The following CPA6 variants were observed in gnomAD, a reference collection of about 807,000 sequenced individuals.
The protein encoded by CPA6 is carboxypeptidase B.
In CPA6, 58 loss-of-function variants were observed where a neutral mutation model predicts 63.3. That is an observed-to-expected ratio of 0.92 (90% CI 0.74 to 1.14). CPA6 has a LOEUF of 1.14. Among genes scored for constraint, CPA6 ranks in the 50% most tolerant of loss-of-function variants. CPA6 has a pLI of 0.00. For synonymous variants in CPA6, 185 were observed against 179.0 expected (o/e 1.03, Z -0.27); for missense variants, 565 against 526.6 (o/e 1.07, Z -0.71).
At position 67,434,211 on chromosome 8, in the gene CPA6, C is replaced by T; in HGVS notation, c.868G>A (p.Asp290Asn). Residue 290 changes from aspartate (D) to asparagine (N), a missense_variant, in exon 9 of 11, where the codon GAC (aspartate) becomes AAC (asparagine). By Grantham distance (23) the Asp-to-Asn change is conservative. Transcript: ENST00000297770. ...DEGASMHPCD[D>N]TYCGPFPESE... ...TCTGGAAAAGGGCCACAGTATGTGT[C>T]ATCACAAGGGTGCATAGAAGCTCCT... The T allele has an allele frequency of 6.2e-7, 1 of 1,614,078 alleles. No homozygotes were observed. The highest frequency in any genetic ancestry group is 8.5e-7 in the Non-Finnish European group (1 of 1,180,012).
At chr8:67,660,884 A>G (rs1009195955) in intron 1 of CPA6, among the ~76,000 whole-genome samples, 11 of 152,164 alleles carry the variant, frequency 7.2e-5, no homozygotes, top group African/African-American at 2.7e-4. Context: ...AATCTGGATT[A>G]ACATCCCTTG....
intron 2 of CPA6, among the ~76,000 whole-genome samples, chr8:67,543,096 G>A (rs563066180): frequency 3.3e-5 from 5 of 152,300 alleles, no homozygotes; most frequent in African/African-American, 1.2e-4. Flanking sequence ...ACAGGTTTGA[G>A]TAGTCTATGG....
intron 8 of CPA6, among the ~76,000 whole-genome samples, chr8:67,459,227 A>G (rs113022698): frequency 0.035 from 5,396 of 152,190 alleles, 286 homozygotes; most frequent in African/African-American, 0.12. Flanking sequence ...GTTTTGCCAC[A>G]TTGTTCAGGC....
chr8:67,529,537 C>A (rs1587526775), intron 2 of CPA6, among the ~76,000 whole-genome samples: 1 of 152,264 alleles, frequency 6.6e-6, no homozygotes, highest in Admixed American at 6.5e-5. Context: ...ATAATGGGCC[C>A]TCCAATATCC....
intron 8 of CPA6, among the ~76,000 whole-genome samples, chr8:67,475,823 TTTTC>T (rs1166367674): frequency 0.011 from 526 of 45,918 alleles, 10 homozygotes; most frequent in Middle Eastern, 0.026. Context: ...CTTTCCTTTC[TTTTC>T]TTTCTTTCTT....
chr8:67,739,644 G>A (rs1447719890), intron 1 of CPA6, among the ~76,000 whole-genome samples: 1 of 152,138 alleles, frequency 6.6e-6, no homozygotes, highest in African/African-American at 2.4e-5. Flanking sequence ...GCTGAATGAA[G>A]CTCTCTACTT....
rs575227054 is a variant in CPA6, at chr8:67,592,402, A to G, written c.192+31774T>C. ...GGTATCAGGATGATGCTGGCCTCAT[A>G]AAATGAGTTAGGGAGGATTCCCTCT... On this transcript the variant is annotated intron_variant, in intron 2 of 10. Coordinates refer to ENST00000297770, the MANE Select transcript of CPA6 (RefSeq NM_020361.5). Among the ~76,000 whole-genome samples the G allele has an allele frequency of 2.8e-3, 429 of 152,236 alleles. 4 individuals are homozygous for G. The Middle Eastern group carries it at 0.034, about 12-fold the overall frequency.
intron 2 of CPA6, among the ~76,000 whole-genome samples, chr8:67,592,210 AC>A (rs1158810924): frequency 6.6e-6 from 1 of 152,138 alleles, no homozygotes; most frequent in African/African-American, 2.4e-5. Context: ...CATATATTGA[AC>A]CAGCCTTGCA....
chr8:67,733,980 TC>T (rs1232654294), intron 1 of CPA6, among the ~76,000 whole-genome samples: 4 of 151,396 alleles, frequency 2.6e-5, no homozygotes, highest in African/African-American at 9.7e-5. Context: ...GCTCAAGTGA[TC>T]CTCCTGCCTT....
At chr8:67,496,224 G>A (rs1054087994) in intron 6 of CPA6, among the ~76,000 whole-genome samples, 1 of 151,708 alleles carries the variant, frequency 6.6e-6, no homozygotes. Context: ...GTTGTTTCCC[G>A]CACATAAATA....
intron 1 of CPA6, among the ~76,000 whole-genome samples, chr8:67,676,089 G>A (rs1816465801): frequency 6.6e-6 from 1 of 152,156 alleles, no homozygotes. Context: ...ACTTTAGTTA[G>A]GATGTGACAC....
intron 1 of CPA6, among the ~76,000 whole-genome samples, chr8:67,685,692 TA>T (rs565039367): frequency 2.6e-3 from 403 of 152,320 alleles, no homozygotes; most frequent in African/African-American, 9.3e-3. Context: ...ATCGTGCCTG[TA>T]AAAAATTCAC....
At chr8:67,597,879 T>C (rs918030260) in intron 2 of CPA6, among the ~76,000 whole-genome samples, 2 of 152,246 alleles carry the variant, frequency 1.3e-5, no homozygotes, top group African/African-American at 4.8e-5. Context: ...TCTTTAATTA[T>C]GTGTGGACAT....
At chr8:67,507,884 T>C (rs1230330010) in intron 5 of CPA6, among the ~76,000 whole-genome samples, 2 of 152,046 alleles carry the variant, frequency 1.3e-5, no homozygotes, top group East Asian at 3.9e-4. Context: ...GAGCGCACCA[T>C]ATTGGAGGAA....
At chr8:67,547,523 G>T (rs1356929841) in intron 2 of CPA6, among the ~76,000 whole-genome samples, 4 of 141,150 alleles carry the variant, frequency 2.8e-5, no homozygotes, top group Non-Finnish European at 4.6e-5. Flanking sequence ...TTTTAGACAG[G>T]TTCTCACTCT....
chr8:67,624,571 C>A (rs1332252246), intron 1 of CPA6, among the ~76,000 whole-genome samples: 1 of 152,168 alleles, frequency 6.6e-6, no homozygotes, highest in African/African-American at 2.4e-5. Flanking sequence ...GAGCAGATAC[C>A]AAGAAGGAAA....
At chr8:67,511,451 AG>A in intron 4 of CPA6, 89 bp downstream of exon 4, 1 of 752,082 alleles carries the variant, frequency 1.3e-6, no homozygotes, top group South Asian at 1.6e-5. Flanking sequence ...CTTCTCCCCT[AG>A]AAGCATAAAA....
chr8:67,530,737 G>A (rs1224857194), intron 2 of CPA6, among the ~76,000 whole-genome samples: 1 of 152,192 alleles, frequency 6.6e-6, no homozygotes, highest in Non-Finnish European at 1.5e-5. Context: ...AAAGTTGGTA[G>A]TTGGAACTGC....
chr8:67,516,011 A>C (rs1385272124), intron 3 of CPA6, among the ~76,000 whole-genome samples: 4 of 152,008 alleles, frequency 2.6e-5, no homozygotes, highest in Non-Finnish European at 5.9e-5. Context: ...TCCATATTAG[A>C]CCCAGGGATG....
Sources: gnomAD v4.1 joint callset for allele counts (sites outside exome capture counted in the v4.1 genomes callset) on GRCh38, gnomAD v4.1.1 for gene constraint, MANE v1.5 for transcripts, NCBI Gene and HGNC (gene_info 2026-07-23, HGNC 2026-07-21) for gene names.